The following NEB variants were observed in gnomAD, a reference collection of about 807,000 sequenced individuals.
NEB encodes the protein nebulin.
In NEB, 512 loss-of-function variants were observed where a neutral mutation model predicts 952.2. The ratio of observed to expected loss-of-function variants is 0.54; its 90% CI spans 0.50 to 0.58. The LOEUF is 0.58. NEB is among the 20% of genes least tolerant of loss of function. NEB has a pLI of 0.00. For missense variants in NEB, 8,428 were observed against 9,231.1 expected (o/e 0.91, Z 3.56); for synonymous variants, 2,900 against 3,149.8 (o/e 0.92, Z 2.66).
At chr2:151,494,638 TTTTTGTTTTG>T (rs967541991) in intron 173 of NEB, among the ~76,000 whole-genome samples, 5 of 152,226 alleles carry the variant, frequency 3.3e-5, no homozygotes, top group African/African-American at 1.2e-4. Flanking sequence ...TGTTTGTTTT[TTTTTGTTTTG>T]TTTTGTTTTG....
In NEB at chr2:151,632,891, C is replaced by T. The variant is rs536328500; in HGVS notation, c.9414+763G>A. Among the ~76,000 whole-genome samples the T allele has an allele frequency of 6.6e-5, 10 of 152,248 alleles. No individual in the cohort carries two copies. The East Asian group carries it at 1.9e-3, about 29-fold the overall frequency. On this transcript the variant is annotated intron_variant, in intron 65 of 181. Transcript: ENST00000397345. The stretch of plus-strand genomic sequence containing the variant: ...ACCCTTTTAAACTATCTTTTCTGTG[C>T]AGGCAAAGCCTTTCTTTTTGGAAAG...
chr2:151,645,374 C>G (rs1276453858), intron 55 of NEB, among the ~76,000 whole-genome samples: 1 of 152,160 alleles, frequency 6.6e-6, no homozygotes, highest in Non-Finnish European at 1.5e-5. Context: ...GGATCCACAT[C>G]TATAGGTAAG....
chr2:151,574,275 G>A (rs537871535), intron 107 of NEB, among the ~76,000 whole-genome samples: 1 of 152,202 alleles, frequency 6.6e-6, no homozygotes, highest in Admixed American at 6.5e-5. Context: ...CGCCAGGCAT[G>A]TTCTTACTCT....
rs2085726950 is a variant in NEB, at chr2:151,526,190, G to T, written c.22018C>A (p.Leu7340Met). ...HAVPDTPQILLAKTVSNLVSE... is the reference protein window; with the variant it reads ...HAVPDTPQILMAKTVSNLVSE... ...ACCAGGTTGCTGACAGTCTTCGCCA[G>T]CAGGATCTGAGGCGTGTCAGGTACG... Residue 7340 changes from leucine to methionine, a missense_variant, in exon 149 of 182, where the codon CTG (leucine) becomes ATG (methionine). By Grantham distance (15) the Leu-to-Met change is conservative. This residue lies in a region of NEB where 3,374 missense variants were observed against 3,651.5 expected (regional missense o/e 0.92). Transcript: ENST00000397345. 1 of 1,613,948 alleles carries T rather than the reference G, an allele frequency of 6.2e-7. No individual in the cohort carries two copies. The highest frequency in any genetic ancestry group is 8.5e-7 in the Non-Finnish European group (1 of 1,179,836).
chr2:151,698,064 T>TCAAAACAAAA (rs56333529), intron 13 of NEB, among the ~76,000 whole-genome samples: 1,551 of 150,726 alleles, frequency 0.01, 40 homozygotes, highest in East Asian at 0.088. Context: ...AGACTCCGTC[T>TCAAAACAAAA]CAAAACAAAA....
At chr2:151,642,916 G>A (rs200091194) in intron 58 of NEB, 47 bp from the exon 59 acceptor site, 6 of 1,379,026 alleles carry the variant, frequency 4.4e-6, no homozygotes, top group Middle Eastern at 2.4e-4. Flanking sequence ...GTAATAAATA[G>A]ACACATGCAG....
intron 121 of NEB, 54 bp from the exon 122 acceptor site, chr2:151,561,366 G>T: frequency 8.0e-7 from 1 of 1,246,472 alleles, no homozygotes; most frequent in Non-Finnish European, 1.1e-6. Flanking sequence ...TCTGTCATCA[G>T]CTGTAGCTGC....
intron 9 of NEB, among the ~76,000 whole-genome samples, chr2:151,721,444 CT>C (rs1376546462): frequency 6.6e-6 from 1 of 152,150 alleles, no homozygotes; most frequent in East Asian, 1.9e-4. Flanking sequence ...CCTGTGTCCC[CT>C]TGTTCAAGTG....
At chr2:151,524,453 G>A in intron 152 of NEB, 38 bp from the exon 153 acceptor site, 8 of 1,612,342 alleles carry the variant, frequency 5.0e-6, no homozygotes, top group Non-Finnish European at 6.8e-6. Context: ...ACAGGTGATG[G>A]TTGCCTGGCA....
At chr2:151,673,953 C>A (rs559067790) in intron 36 of NEB, among the ~76,000 whole-genome samples, 1 of 151,776 alleles carries the variant, frequency 6.6e-6, no homozygotes. Context: ...CCACCATGCC[C>A]GGCCAAAATT....
At chr2:151,659,483 T>C (rs1309448486) in intron 46 of NEB, among the ~76,000 whole-genome samples, 1 of 152,030 alleles carries the variant, frequency 6.6e-6, no homozygotes, top group Non-Finnish European at 1.5e-5. Flanking sequence ...GTATTTTTTG[T>C]AGAGATGGGT....
At chr2:151,552,832 C>G in intron 127 of NEB, 56 bp from the exon 128 acceptor site, 1 of 1,289,114 alleles carries the variant, frequency 7.8e-7, no homozygotes, top group Non-Finnish European at 1.1e-6. Context: ...CTTGAAACTG[C>G]TGGTTTTCAC....
chr2:151,659,059 A>C lies in NEB; in HGVS notation c.6075+6T>G. Reference sequence around the variant, plus strand: ...GAAAGATGACAACAGGGGGAACTATACTTACATCACTCATATTAATTGCAT... The same window carrying C: ...GAAAGATGACAACAGGGGGAACTATCCTTACATCACTCATATTAATTGCAT... On this transcript the variant is annotated splice_donor_region_variant and intron_variant, in intron 47 of 181. Coordinates refer to ENST00000397345, the MANE Select transcript of NEB (RefSeq NM_001164508.2). The C allele has an allele frequency of 6.4e-7, 1 of 1,555,190 alleles. No homozygotes were observed. Among genetic ancestry groups the C allele is most frequent in the Non-Finnish European group, 8.9e-7 (1 of 1,126,514 alleles).
chr2:151,534,104 C>T, intron 142 of NEB: 1 of 804,752 alleles, frequency 1.2e-6, no homozygotes, highest in East Asian at 2.5e-5. Flanking sequence ...AACAGAACAA[C>T]CCAATATCAT....
chr2:151,669,174 T>A (rs1298354615), intron 38 of NEB, 43 bp from the exon 39 acceptor site: 1 of 1,334,248 alleles, frequency 7.5e-7, no homozygotes, highest in Non-Finnish European at 1.0e-6. Flanking sequence ...TTAGCTGACA[T>A]AATATAAATT....
chr2:151,650,074 G>A, intron 54 of NEB, 102 bp downstream of exon 54: 1 of 1,039,586 alleles, frequency 9.6e-7, no homozygotes, highest in South Asian at 1.4e-5. Flanking sequence ...GGTGATGTAT[G>A]AGGCAATGCT....
In NEB at chr2:151,540,437, C is replaced by G. The variant is rs1302461533; in HGVS notation, c.20799G>C (p.Lys6933Asn). Reference sequence around the variant, plus strand: ...TGTCTTTCATCTTTTCATATTGAATCTTGTACTTTTTCTGAGAAATAAATG... The same window carrying G: ...TGTCTTTCATCTTTTCATATTGAATGTTGTACTTTTTCTGAGAAATAAATG... ...VKDMVSEKKY[K>N]IQYEKMKDKY... Residue 6933 changes from lysine (K) to asparagine (N), a missense_variant, in exon 138 of 182, where the codon AAG becomes AAC. Transcript: ENST00000397345. 3 of 1,562,076 alleles carry G rather than the reference C, an allele frequency of 1.9e-6. No individual in the cohort carries two copies. The highest frequency in any genetic ancestry group is 1.2e-5 in the South Asian group (1 of 84,950).
At chr2:151,629,446 T>C in intron 68 of NEB, 93 bp downstream of exon 68, 1 of 1,029,188 alleles carries the variant, frequency 9.7e-7, no homozygotes, top group Non-Finnish European at 1.5e-6. Context: ...AGCCAATAAA[T>C]GTGCTTAAAC....
intron 15 of NEB, 31 bp from the exon 16 acceptor site, chr2:151,697,283 C>T: frequency 6.2e-7 from 1 of 1,607,868 alleles, no homozygotes; most frequent in Non-Finnish European, 8.5e-7. Context: ...GCATAAGATG[C>T]AGCCATTGTA....
Sources: allele counts gnomAD v4.1 joint callset (sites outside exome capture counted in the v4.1 genomes callset), GRCh38; gene constraint gnomAD v4.1.1; regional missense constraint gnomAD v4.1.1; transcripts MANE v1.5; gene names NCBI Gene and HGNC (gene_info 2026-07-23, HGNC 2026-07-21).